The following NGEF variants were observed in gnomAD, a reference collection of about 807,000 sequenced individuals.
The protein encoded by NGEF is ephexin-1.
Under a neutral mutation model 80.9 loss-of-function variants are expected in NGEF, and 31 were observed. That is an observed-to-expected ratio of 0.38 (90% CI 0.29 to 0.52). The LOEUF is 0.52. NGEF is among the 20% of genes least tolerant of loss of function. The pLI, the probability that NGEF is intolerant of heterozygous loss-of-function variation, is 0.84. For synonymous variants in NGEF, 371 were observed against 370.2 expected, an observed-to-expected ratio of 1.00 and a Z score of -0.03; for missense variants, 709 against 926.2, an observed-to-expected ratio of 0.77 and a Z score of 3.04.
chr2:232,912,454 G>A (rs1280060281), intron 5 of NGEF, among the ~76,000 whole-genome samples: 1 of 152,130 alleles, frequency 6.6e-6, no homozygotes, highest in Non-Finnish European at 1.5e-5. Context: ...ACATTCATGA[G>A]GAATATTGGT....
At chr2:233,004,511 G>T (rs2106345373) in intron 1 of NGEF, among the ~76,000 whole-genome samples, 1 of 152,316 alleles carries the variant, frequency 6.6e-6, no homozygotes, top group Non-Finnish European at 1.5e-5. Flanking sequence ...TCCTCTTCCT[G>T]TCTAGATTCT....
chr2:232,999,486 G>A (rs1694926112), intron 1 of NGEF, among the ~76,000 whole-genome samples: 1 of 152,192 alleles, frequency 6.6e-6, no homozygotes, highest in Admixed American at 6.5e-5. Context: ...AAGCCAGGTG[G>A]GAGAGGAGAG....
intron 9 of NGEF, among the ~76,000 whole-genome samples, chr2:232,886,107 T>TGCG (rs1559191075): frequency 6.6e-6 from 1 of 151,980 alleles, no homozygotes; most frequent in East Asian, 1.9e-4. Context: ...GTGTGCCATG[T>TGCG]GTGCATGTGT....
rs1361533350 is a variant in NGEF at position 233,013,158 on chromosome 2, G to C, written c.-165C>G. 4.2e-6 allele frequency: 2 copies of C among 471,248 alleles called. No homozygotes were observed. Among genetic ancestry groups the C allele is most frequent in the Non-Finnish European group, 8.8e-6 (2 of 227,080 alleles). 29.2% of individuals were successfully genotyped at this position (471,248 alleles called of 1,614,324 possible). A position where few individuals can be genotyped will look rare whatever the true frequency, so the allele number is the denominator to read the frequency against. On this transcript the variant is annotated 5_prime_UTR_variant, in exon 1 of 15. Transcript: ENST00000264051. ...TGTCCAGGCACCTGCGAGCAGGATG[G>C]TGTGTCCCCGGCTAAATCCACAGGC...
chr2:232,893,082 G>A (rs1691935085), intron 6 of NGEF, 32 bp from the exon 7 acceptor site: 1 of 1,599,926 alleles, frequency 6.3e-7, no homozygotes, highest in South Asian at 1.1e-5. Context: ...GGCGGAGGGT[G>A]CCCGGGGGGT....
intron 1 of NGEF, among the ~76,000 whole-genome samples, chr2:233,011,807 C>T (rs1187909990): frequency 6.6e-6 from 1 of 152,192 alleles, no homozygotes; most frequent in Non-Finnish European, 1.5e-5. Flanking sequence ...CCCACTGGGG[C>T]AGAAAGCTGT....
intron 8 of NGEF, among the ~76,000 whole-genome samples, chr2:232,889,172 G>A (rs911557757): frequency 2.0e-5 from 3 of 152,190 alleles, no homozygotes; most frequent in African/African-American, 7.2e-5. Flanking sequence ...CACCATGCCT[G>A]TCATTAACTG....
chr2:232,921,515 A>C (rs1288363594), intron 4 of NGEF, among the ~76,000 whole-genome samples: 1 of 152,130 alleles, frequency 6.6e-6, no homozygotes, highest in Non-Finnish European at 1.5e-5. Flanking sequence ...GCAGTGGTGC[A>C]ATCATAGCTC....
chr2:232,933,824 G>T (rs1693267962), intron 3 of NGEF, among the ~76,000 whole-genome samples: 1 of 152,224 alleles, frequency 6.6e-6, no homozygotes, highest in Non-Finnish European at 1.5e-5. Flanking sequence ...CCCTTCTGCT[G>T]TCTAGCCTGC....
chr2:232,898,335 C>T (rs1366447600), intron 5 of NGEF, among the ~76,000 whole-genome samples: 1 of 152,192 alleles, frequency 6.6e-6, no homozygotes, highest in East Asian at 1.9e-4. Context: ...TCACCCGGAT[C>T]TTCTGGCCGA....
intron 3 of NGEF, among the ~76,000 whole-genome samples, chr2:232,944,726 A>AATATATATATATATATATATATATATAT (rs57851903): frequency 9.2e-6 from 1 of 108,722 alleles, no homozygotes; most frequent in Non-Finnish European, 1.9e-5. Context: ...GACTTTTCCG[A>AATATATATATATATATATATATATATAT]ATATATATAT....
chr2:232,923,994 TGG>T (rs1185250445), intron 4 of NGEF, among the ~76,000 whole-genome samples: 3 of 152,100 alleles, frequency 2.0e-5, no homozygotes, highest in Non-Finnish European at 4.4e-5. Context: ...CCCAGCACTT[TGG>T]GAGGCTAAGG....
intron 10 of NGEF, 118 bp from the exon 11 acceptor site, chr2:232,884,262 G>T (rs978711537): frequency 5.1e-5 from 62 of 1,208,488 alleles, no homozygotes; most frequent in Non-Finnish European, 6.6e-5. Flanking sequence ...GACACATGAG[G>T]CACAAGTTGG....
In NGEF at chr2:232,892,283, G is replaced by A. The variant is rs1691908140; in HGVS notation, c.1142+615C>T. On this transcript the variant is annotated intron_variant, in intron 7 of 14. Coordinates refer to ENST00000264051, the MANE Select transcript of NGEF (RefSeq NM_019850.3). The surrounding 1 kb of genome is among the most constrained non-coding windows in gnomAD (Gnocchi z 4.0). ...AGCCAGTGAGGCGCAATGTGCAGAC[G>A]CCACAACTGGAAAACTCCCTGGGTG... 6.6e-6 allele frequency among the ~76,000 whole-genome samples: 1 copy of A among 152,134 alleles called. No individual in the cohort carries two copies. Among genetic ancestry groups the A allele is most frequent in the African/African-American group, 2.4e-5 (1 of 41,412 alleles).
chr2:232,987,498 T>C (rs1694557028), intron 1 of NGEF, among the ~76,000 whole-genome samples: 1 of 152,054 alleles, frequency 6.6e-6, no homozygotes, highest in Non-Finnish European at 1.5e-5. Flanking sequence ...GGGGGTGCTG[T>C]AGCCCATGCA....
intron 1 of NGEF, among the ~76,000 whole-genome samples, chr2:232,992,348 A>G (rs754733737): frequency 1.3e-5 from 2 of 152,050 alleles, no homozygotes; most frequent in Non-Finnish European, 2.9e-5. Flanking sequence ...ACTTGAAGTC[A>G]GGAGTTCAAG....
At chr2:232,954,923 C>T (rs146705993) in intron 3 of NGEF, among the ~76,000 whole-genome samples, 1 of 152,144 alleles carries the variant, frequency 6.6e-6, no homozygotes, top group Non-Finnish European at 1.5e-5. Context: ...TTCCAACCAT[C>T]GAGACATAGT....
intron 1 of NGEF, among the ~76,000 whole-genome samples, chr2:232,990,424 A>G (rs1312642764): frequency 6.6e-6 from 1 of 152,158 alleles, no homozygotes; most frequent in East Asian, 1.9e-4. Flanking sequence ...GAATATTAAA[A>G]ATATATCAGT....
chr2:232,990,890 A>G (rs1694637529), intron 1 of NGEF, among the ~76,000 whole-genome samples: 1 of 152,146 alleles, frequency 6.6e-6, no homozygotes, highest in Non-Finnish European at 1.5e-5. Flanking sequence ...ACTATGACCA[A>G]GTAGAATTTA....
Sources: gnomAD v4.1 joint callset for allele counts (sites outside exome capture counted in the v4.1 genomes callset) on GRCh38, gnomAD v4.1.1 for gene constraint, Gnocchi (gnomAD v3.1) non-coding constraint, MANE v1.5 for transcripts, NCBI Gene and HGNC (gene_info 2026-07-23, HGNC 2026-07-21) for gene names.